Variants in PLA2G4A observed in about 807,000 individuals in gnomAD.
PLA2G4A encodes phospholipase A2 group IVA.
A neutral mutation model predicts 81.9 loss-of-function variants in PLA2G4A; 40 were observed. The ratio of observed to expected loss-of-function variants is 0.49; its 90% CI spans 0.38 to 0.64. The LOEUF (loss-of-function observed/expected upper bound fraction) is 0.64. Ranked by LOEUF, PLA2G4A falls within the 30% of genes least tolerant of loss-of-function variation. PLA2G4A has a pLI of 0.00. For missense variants in PLA2G4A, 715 were observed against 905.1 expected (o/e 0.79, Z 2.69); for synonymous variants, 302 against 296.9 (o/e 1.02, Z -0.18).
intron 6 of PLA2G4A, among the ~76,000 whole-genome samples, chr1:186,907,933 T>C (rs1654799050): frequency 1.3e-5 from 2 of 152,050 alleles, no homozygotes; most frequent in African/African-American, 4.8e-5. Context: ...TATTTTGGCA[T>C]GAGATTAGAA....
At chr1:186,900,735 T>C (rs1654507437) in intron 5 of PLA2G4A, among the ~76,000 whole-genome samples, 1 of 152,226 alleles carries the variant, frequency 6.6e-6, no homozygotes, top group Admixed American at 6.5e-5. Flanking sequence ...GCAACACAGA[T>C]AAGATTATGC....
At chr1:186,962,303 A>C (rs1656973511) in intron 14 of PLA2G4A, among the ~76,000 whole-genome samples, 1 of 152,026 alleles carries the variant, frequency 6.6e-6, no homozygotes, top group Non-Finnish European at 1.5e-5. Flanking sequence ...TGTACTATGC[A>C]CAGTTTCGCA....
intron 3 of PLA2G4A, among the ~76,000 whole-genome samples, chr1:186,882,428 A>G (rs979147375): frequency 1.3e-5 from 2 of 152,208 alleles, no homozygotes; most frequent in Non-Finnish European, 2.9e-5. Flanking sequence ...AAAAGAAAAC[A>G]TAACAACATG....
At chr1:186,926,692 A>C (rs1655561131) in intron 7 of PLA2G4A, among the ~76,000 whole-genome samples, 1 of 152,234 alleles carries the variant, frequency 6.6e-6, no homozygotes, top group South Asian at 2.1e-4. Context: ...ACGTTGAATT[A>C]AATGTTGAAT....
Position 186,849,230 on chromosome 1 carries a change from T to G in PLA2G4A, c.-69-5056T>G, listed in dbSNP as rs541904288. The stretch of plus-strand genomic sequence containing the variant: ...AAATCTTTATTCTGAACCTACTATA[T>G]TTGGGCCATTGTATTCGGCACTAGG... On this transcript the variant is annotated intron_variant, in intron 1 of 17. Transcript: ENST00000367466. 3.9e-5 allele frequency among the ~76,000 whole-genome samples: 6 copies of G among 152,150 alleles called. No individual in the cohort carries two copies. In the East Asian group the frequency reaches 1.2e-3, roughly 29 times the overall value.
chr1:186,970,521 A>T (rs1439557334), intron 15 of PLA2G4A, among the ~76,000 whole-genome samples: 1 of 152,000 alleles, frequency 6.6e-6, no homozygotes, highest in Non-Finnish European at 1.5e-5. Context: ...GTTTTATTCT[A>T]GTAGTTTTAT....
At chr1:186,909,851 A>G (rs1279205151) in intron 6 of PLA2G4A, among the ~76,000 whole-genome samples, 1 of 152,130 alleles carries the variant, frequency 6.6e-6, no homozygotes, top group Non-Finnish European at 1.5e-5. Context: ...TAGAATTATT[A>G]GGCCAAAAGG....
intron 7 of PLA2G4A, among the ~76,000 whole-genome samples, chr1:186,917,731 G>C (rs1328965294): frequency 9.2e-5 from 14 of 152,178 alleles, no homozygotes; most frequent in Admixed American, 9.2e-4. Context: ...CACCCACCCA[G>C]AGTAAGTACA....
intron 2 of PLA2G4A, among the ~76,000 whole-genome samples, chr1:186,867,509 G>GA (rs1653075060): frequency 2.4e-4 from 1 of 4,190 alleles, no homozygotes; most frequent in Admixed American, 2.9e-3. Flanking sequence ...GTTCATTTCT[G>GA]TATATAGAAA....
intron 1 of PLA2G4A, among the ~76,000 whole-genome samples, chr1:186,834,577 CA>C (rs1238887594): frequency 6.6e-6 from 1 of 152,014 alleles, no homozygotes; most frequent in Admixed American, 6.6e-5. Flanking sequence ...CATAATAACT[CA>C]ATCGTTCTGC....
chr1:186,947,451 A>T (rs1656385279), intron 12 of PLA2G4A, among the ~76,000 whole-genome samples: 1 of 152,120 alleles, frequency 6.6e-6, no homozygotes, highest in Non-Finnish European at 1.5e-5. Flanking sequence ...TAGTACACTT[A>T]AACTAATGAT....
At chr1:186,923,383 T>C (rs919432597) in intron 7 of PLA2G4A, among the ~76,000 whole-genome samples, 2 of 152,238 alleles carry the variant, frequency 1.3e-5, no homozygotes, top group African/African-American at 4.8e-5. Context: ...TTTGTCACCA[T>C]CCTTGTATTG....
At chr1:186,832,562 C>T (rs1251193667) in intron 1 of PLA2G4A, among the ~76,000 whole-genome samples, 1 of 152,100 alleles carries the variant, frequency 6.6e-6, no homozygotes, top group East Asian at 1.9e-4. Context: ...TCAAACAGAG[C>T]AAATGACAAC....
chr1:186,866,393 G>A (rs888477083), intron 2 of PLA2G4A, among the ~76,000 whole-genome samples: 1 of 151,972 alleles, frequency 6.6e-6, no homozygotes, highest in Non-Finnish European at 1.5e-5. Flanking sequence ...TCTAGTAAAA[G>A]TTCACCATTT....
At chr1:186,907,190 A>G (rs1654768648) in intron 6 of PLA2G4A, among the ~76,000 whole-genome samples, 188 bp downstream of exon 6, 2 of 152,072 alleles carry the variant, frequency 1.3e-5, no homozygotes, top group Non-Finnish European at 2.9e-5. Flanking sequence ...TCTTATATTC[A>G]TTATTCTTAT....
chr1:186,907,076 T>G, intron 6 of PLA2G4A, 74 bp downstream of exon 6: 2 of 805,178 alleles, frequency 2.5e-6, no homozygotes, highest in South Asian at 2.9e-5. Context: ...TTAAAGAATT[T>G]TTTTATATAT....
At chr1:186,928,773 C>T (rs1045726101) in intron 7 of PLA2G4A, among the ~76,000 whole-genome samples, 3 of 152,230 alleles carry the variant, frequency 2.0e-5, no homozygotes, top group South Asian at 4.2e-4. Context: ...AGTAAGCTTG[C>T]GTACCAGGAT....
intron 3 of PLA2G4A, among the ~76,000 whole-genome samples, chr1:186,878,686 A>C (rs1001810057): frequency 1.3e-5 from 2 of 151,852 alleles, no homozygotes; most frequent in African/African-American, 4.8e-5. Flanking sequence ...AAGTGGTTTT[A>C]TGAATACAGT....
chr1:186,855,375 T>C (rs1652513113), intron 2 of PLA2G4A, among the ~76,000 whole-genome samples: 2 of 152,146 alleles, frequency 1.3e-5, no homozygotes, highest in Middle Eastern at 3.4e-3. Flanking sequence ...AGTTTTCTTA[T>C]GCAAGCTCTT....
Sources: allele counts gnomAD v4.1 joint callset (sites outside exome capture counted in the v4.1 genomes callset), GRCh38; gene constraint gnomAD v4.1.1; transcripts MANE v1.5; gene names NCBI Gene and HGNC (gene_info 2026-07-23, HGNC 2026-07-21).